CAST: variants seen among roughly 807,000 people sequenced by gnomAD.
CAST encodes calpastatin, also known as MIR583 host.
Under a neutral mutation model 119.6 loss-of-function variants are expected in CAST, and 76 were observed. That is an observed-to-expected ratio of 0.64 (90% CI 0.53 to 0.77). The LOEUF is 0.77. Ranked by LOEUF, CAST falls within the 30% of genes least tolerant of loss-of-function variation. The pLI is 0.00. For synonymous variants in CAST, 319 were observed against 331.6 expected, an observed-to-expected ratio of 0.96 and a Z score of 0.41; for missense variants, 953 against 946.5, an observed-to-expected ratio of 1.01 and a Z score of -0.09.
chr5:96,408,574 A>G, the CAST span, among the ~76,000 whole-genome samples: 4 of 152,222 alleles, frequency 2.6e-5, no homozygotes, highest in African/African-American at 9.7e-5. Context: ...TACTCCCACT[A>G]CGAATATTTT....
chr5:96,271,174 G>A, the CAST span, among the ~76,000 whole-genome samples: 3 of 152,054 alleles, frequency 2.0e-5, no homozygotes, highest in African/African-American at 4.8e-5. Context: ...CATGGTTTGC[G>A]AGAACTAATA....
At chr5:96,269,068 C>T in the CAST span, among the ~76,000 whole-genome samples, 1 of 152,176 alleles carries the variant, frequency 6.6e-6, no homozygotes, top group Non-Finnish European at 1.5e-5. Context: ...TTTCCTGAGG[C>T]CCCTCTAGCC....
chr5:96,710,864 C>G (rs1216610880), intron 3 of CAST, among the ~76,000 whole-genome samples: 2 of 149,492 alleles, frequency 1.3e-5, no homozygotes, highest in Non-Finnish European at 3.0e-5. Context: ...GGGTCCACAT[C>G]ACTTAAAAAA....
the CAST span, among the ~76,000 whole-genome samples, chr5:96,357,442 C>T: frequency 6.6e-6 from 1 of 152,178 alleles, no homozygotes; most frequent in African/African-American, 2.4e-5. Flanking sequence ...AGGTTTTGCC[C>T]ATTCAGTACG....
chr5:96,770,674 T>C, intron 30 of CAST, 72 bp downstream of exon 30: 1 of 1,007,330 alleles, frequency 9.9e-7, no homozygotes, highest in Non-Finnish European at 1.6e-6. Flanking sequence ...ATTTCAGTCA[T>C]TTAGTTTCCT....
At chr5:96,397,232 G>T in the CAST span, 5 of 968,378 alleles carry the variant, frequency 5.2e-6, no homozygotes, top group African/African-American at 3.2e-5. Flanking sequence ...CTAAGAAGGG[G>T]TACAATTCTT....
Position 96,757,598 on chromosome 5 carries a change from T to C in CAST, c.1777T>C (p.Phe593Leu). The change falls in exon 24 of 32, where the codon TTC (phenylalanine) becomes CTC (leucine). Residue 593 changes from phenylalanine to leucine, a missense_variant. Phe to Leu is a conservative substitution (Grantham distance 22). Coordinates refer to ENST00000675179, the MANE Select transcript of CAST (RefSeq NM_001750.7). ...KEQLPPMSED[F>L]LLDALSEDFS... is the part of the protein sequence containing the mutation. Reference sequence around the variant, plus strand: ...GTTCTTGCAGCCCATGAGTGAAGACTTCCTTCTGGATGCTTTGTCTGAGGA... The same window carrying C: ...GTTCTTGCAGCCCATGAGTGAAGACCTCCTTCTGGATGCTTTGTCTGAGGA... 1 of 1,613,942 alleles carries C rather than the reference T, an allele frequency of 6.2e-7. No individual in the cohort carries two copies. The highest frequency in any genetic ancestry group is 8.5e-7 in the Non-Finnish European group (1 of 1,179,812).
At chr5:96,727,063 TC>T (rs1412236503) in intron 5 of CAST, among the ~76,000 whole-genome samples, 1 of 152,228 alleles carries the variant, frequency 6.6e-6, no homozygotes, top group African/African-American at 2.4e-5. Context: ...TCTGTCACCA[TC>T]CCATTGTTTT....
chr5:96,359,604 C>G, the CAST span, among the ~76,000 whole-genome samples: 1 of 152,252 alleles, frequency 6.6e-6, no homozygotes, highest in East Asian at 1.9e-4. Flanking sequence ...CTTAGTATGA[C>G]TGGATTTAAA....
chr5:96,076,868 A>T, the CAST span, among the ~76,000 whole-genome samples: 3 of 151,886 alleles, frequency 2.0e-5, no homozygotes, highest in African/African-American at 7.2e-5. Flanking sequence ...ATGTAAGCAA[A>T]CATTTAAAAG....
chr5:96,275,503 TAA>T, the CAST span, among the ~76,000 whole-genome samples: 1 of 152,236 alleles, frequency 6.6e-6, no homozygotes, highest in African/African-American at 2.4e-5. Context: ...GGATGGATAT[TAA>T]ATTATTGAAG....
chr5:96,293,345 C>A, the CAST span, among the ~76,000 whole-genome samples: 1 of 152,222 alleles, frequency 6.6e-6, no homozygotes, highest in South Asian at 2.1e-4. Context: ...GTGGCACGAT[C>A]TCAGCTCACT....
At chr5:95,972,720 GT>G in the CAST span, among the ~76,000 whole-genome samples, 1 of 152,102 alleles carries the variant, frequency 6.6e-6, no homozygotes, top group African/African-American at 2.4e-5. Context: ...ATGAAGTCCA[GT>G]TTATCAATTT....
the CAST span, among the ~76,000 whole-genome samples, chr5:96,187,096 G>C: frequency 6.6e-6 from 1 of 152,106 alleles, no homozygotes; most frequent in African/African-American, 2.4e-5. Context: ...ATGTGTCCAG[G>C]AGTTTATTCA....
intron 1 of CAST, among the ~76,000 whole-genome samples, chr5:96,602,771 A>C (rs1747178015): frequency 6.6e-6 from 1 of 152,232 alleles, no homozygotes; most frequent in Non-Finnish European, 1.5e-5. Context: ...GATAAATAAC[A>C]GGGTCATGAT....
Position 96,561,358 on chromosome 5 carries a change from A to G in CAST, c.60+31478A>G, listed in dbSNP as rs531838471. Among the ~76,000 whole-genome samples, 9 of 131,126 alleles carry G rather than the reference A, an allele frequency of 6.9e-5. No individual in the cohort carries two copies. The South Asian group carries it at 2.2e-3, about 32-fold the overall frequency. 86.0% of individuals were successfully genotyped at this position (131,126 alleles called of 152,430 possible). On this transcript the variant is annotated intron_variant, in intron 1 of 11. Coordinates refer to the CAST transcript ENST00000505143. Reference sequence around the variant, plus strand: ...TACCCTAAAACTTAAAGTATAATAAAAAAAAGAAAAAAAGGAAAATAAAAA... The same window carrying G: ...TACCCTAAAACTTAAAGTATAATAAGAAAAAGAAAAAAAGGAAAATAAAAA...
the CAST span, among the ~76,000 whole-genome samples, chr5:95,992,406 CT>C: frequency 2.9e-3 from 416 of 141,908 alleles, no homozygotes; most frequent in Non-Finnish European, 3.3e-3. Context: ...CTTCTCTATG[CT>C]TTTTTTTTTT....
chr5:96,114,548 G>A, the CAST span, among the ~76,000 whole-genome samples: 2 of 152,128 alleles, frequency 1.3e-5, no homozygotes, highest in African/African-American at 4.8e-5. Flanking sequence ...GACTTGTGTG[G>A]TACCTTGAAA....
chr5:96,624,667 C>T (rs1747686509), intron 1 of CAST, among the ~76,000 whole-genome samples: 1 of 152,164 alleles, frequency 6.6e-6, no homozygotes, highest in South Asian at 2.1e-4. Flanking sequence ...TTGCACCCAT[C>T]CCTTGTTTAT....
Sources: allele counts gnomAD v4.1 joint callset (sites outside exome capture counted in the v4.1 genomes callset), GRCh38; gene constraint gnomAD v4.1.1; transcripts MANE v1.5; gene names NCBI Gene and HGNC (gene_info 2026-07-23, HGNC 2026-07-21).